Variants in CACNB2 observed in about 807,000 individuals in gnomAD.
The protein encoded by CACNB2 is calcium voltage-gated channel auxiliary subunit beta 2, also known as voltage-dependent L-type calcium channel subunit beta-2.
In CACNB2, 42 loss-of-function variants were observed where a neutral mutation model predicts 73.3. The ratio of observed to expected loss-of-function variants is 0.57; its 90% CI spans 0.45 to 0.74. CACNB2 has a LOEUF of 0.74. Among genes scored for constraint, CACNB2 ranks in the 30% least tolerant of loss-of-function variants. The pLI is 0.00. For missense variants in CACNB2, 940 were observed against 853.0 expected (o/e 1.10, Z -1.27); for synonymous variants, 348 against 310.3 (o/e 1.12, Z -1.28).
At chr10:18,216,232 G>T (rs553436501) in intron 2 of CACNB2, among the ~76,000 whole-genome samples, 98 of 152,124 alleles carry the variant, frequency 6.4e-4, no homozygotes, top group Non-Finnish European at 1.3e-3. Context: ...GGGAGGTGGT[G>T]GTTGCAGTGA....
At chr10:18,169,796 CAG>C (rs1275324596) in intron 2 of CACNB2, among the ~76,000 whole-genome samples, 5 of 152,122 alleles carry the variant, frequency 3.3e-5, no homozygotes, top group Non-Finnish European at 4.4e-5. Context: ...AGAGGGAAAA[CAG>C]GGTACATCAG....
chr10:18,141,553 C>G (rs2030405283), intron 1 of CACNB2, among the ~76,000 whole-genome samples: 1 of 151,612 alleles, frequency 6.6e-6, no homozygotes, highest in African/African-American at 2.4e-5. Flanking sequence ...TCAGGGATCT[C>G]CAGGATCCCC....
At position 18,514,829 on chromosome 10, in the gene CACNB2, CTCTT is replaced by C. The variant is rs1289629879; in HGVS notation, c.804+466_804+469del. The C allele has an allele frequency of 5.4e-5, 38 of 701,326 alleles. No homozygotes were observed. In the Admixed American group the frequency reaches 6.7e-4, roughly 12 times the overall value. The allele number at this position is 701,326 out of a possible 1,614,324, so 43.4% of individuals were successfully genotyped here. The stretch of plus-strand genomic sequence containing the variant: ...CCTAAATTGTGCATGCTTATTCTAT[CTCTT>C]TCTTTTATCCAGAAATTTAACTTAT... On this transcript the variant is annotated intron_variant, in intron 7 of 13. Coordinates refer to ENST00000324631, the MANE Select transcript of CACNB2 (RefSeq NM_201596.3).
intron 3 of CACNB2, among the ~76,000 whole-genome samples, chr10:18,402,639 G>A (rs1021558479): frequency 3.9e-5 from 6 of 152,190 alleles, no homozygotes; most frequent in Admixed American, 2.6e-4. Flanking sequence ...CTGCAAAGCA[G>A]CTATGAAATA....
chr10:18,338,300 T>C (rs1348750143), intron 2 of CACNB2, among the ~76,000 whole-genome samples: 1 of 152,132 alleles, frequency 6.6e-6, no homozygotes, highest in African/African-American at 2.4e-5. Flanking sequence ...GGCCAACAAA[T>C]ATATGTAAAG....
At chr10:18,197,512 C>T (rs2131295857) in intron 2 of CACNB2, among the ~76,000 whole-genome samples, 1 of 152,312 alleles carries the variant, frequency 6.6e-6, no homozygotes, top group African/African-American at 2.4e-5. Flanking sequence ...CTCTGTCCTC[C>T]TTCAGCCAAC....
At chr10:18,309,511 G>T (rs1420503462) in intron 2 of CACNB2, among the ~76,000 whole-genome samples, 1 of 152,124 alleles carries the variant, frequency 6.6e-6, no homozygotes, top group African/African-American at 2.4e-5. Flanking sequence ...AGGCTGGAGT[G>T]CAATGGTGCG....
At chr10:18,339,568 A>G (rs1201711416) in intron 2 of CACNB2, among the ~76,000 whole-genome samples, 1 of 152,198 alleles carries the variant, frequency 6.6e-6, no homozygotes, top group Non-Finnish European at 1.5e-5. Flanking sequence ...GTGAAAGTCT[A>G]GTTGCTCTGC....
In CACNB2 at chr10:18,347,857, T is replaced by C. The variant is rs76324773; in HGVS notation, c.214-54067T>C. Among the ~76,000 whole-genome samples, 304 of 152,346 alleles carry C rather than the reference T, an allele frequency of 2.0e-3. 1 individual carries two copies. Among genetic ancestry groups the C allele is most frequent in the Non-Finnish European group, 3.4e-3 (233 of 68,032 alleles). On this transcript the variant is annotated intron_variant, in intron 2 of 13. Coordinates refer to ENST00000324631, the MANE Select transcript of CACNB2 (RefSeq NM_201596.3). ...CGTGACTTCGCTTAATGAGATTTAA[T>C]GTTCAATATAAACACTTGAAAGGAA... is the stretch of plus-strand genomic sequence containing the variant.
chr10:18,260,580 T>C, intron 2 of CACNB2: 1 of 986,102 alleles, frequency 1.0e-6, no homozygotes, highest in Non-Finnish European at 1.2e-6. Flanking sequence ...AGGATGTTTC[T>C]GTAGTCCTAG....
intron 3 of CACNB2, among the ~76,000 whole-genome samples, chr10:18,467,401 A>G (rs939285272): frequency 6.6e-5 from 10 of 152,150 alleles, no homozygotes; most frequent in Admixed American, 5.2e-4. Context: ...AGGTCCACAA[A>G]TATTTATTGG....
chr10:18,190,405 G>C (rs1316768697), intron 2 of CACNB2, among the ~76,000 whole-genome samples: 1 of 152,086 alleles, frequency 6.6e-6, no homozygotes, highest in East Asian at 1.9e-4. Context: ...CACCCACCCT[G>C]CCCCGAGAGT....
At chr10:18,471,958 C>T (rs144758553) in intron 3 of CACNB2, among the ~76,000 whole-genome samples, 60 of 152,288 alleles carry the variant, frequency 3.9e-4, no homozygotes, top group African/African-American at 1.4e-3. Flanking sequence ...CTTTGGAAGA[C>T]CTGCATGTAA....
intron 2 of CACNB2, among the ~76,000 whole-genome samples, chr10:18,156,812 T>C (rs910685015): frequency 6.6e-6 from 1 of 151,486 alleles, no homozygotes; most frequent in African/African-American, 2.4e-5. Context: ...GAGGGTCACC[T>C]GAGGTCAGGA....
chr10:18,270,700 G>A (rs923078957), intron 2 of CACNB2, among the ~76,000 whole-genome samples: 3 of 151,914 alleles, frequency 2.0e-5, no homozygotes, highest in African/African-American at 7.2e-5. Flanking sequence ...CTCCACAGAG[G>A]CTGTTCCCTG....
chr10:18,355,319 T>C (rs1039295789), intron 2 of CACNB2, among the ~76,000 whole-genome samples: 1 of 152,226 alleles, frequency 6.6e-6, no homozygotes, highest in African/African-American at 2.4e-5. Flanking sequence ...TTACTTGTAG[T>C]TATTCTTTTC....
chr10:18,177,538 C>T (rs2033668822), intron 2 of CACNB2, among the ~76,000 whole-genome samples: 1 of 149,812 alleles, frequency 6.7e-6, no homozygotes, highest in African/African-American at 2.5e-5. Context: ...GAGATCACGC[C>T]ACGGCACTCC....
intron 3 of CACNB2, among the ~76,000 whole-genome samples, chr10:18,497,170 C>G (rs1458125667): frequency 2.7e-5 from 4 of 147,956 alleles, no homozygotes; most frequent in Non-Finnish European, 1.5e-5. Flanking sequence ...TGAAATTGCA[C>G]CACTGCACTC....
rs74533422 is a variant in CACNB2 at position 18,273,287 on chromosome 10, C to T, written c.213+122312C>T. 3.0e-3 allele frequency among the ~76,000 whole-genome samples: 455 copies of T among 152,086 alleles called. 2 individuals are homozygous for T. The highest frequency in any genetic ancestry group is 0.011 in the African/African-American group (436 of 41,452). On this transcript the variant is annotated intron_variant, in intron 2 of 13. Transcript: ENST00000324631. ...TCAGGAGAGGGGAGGGCTACTTGAT[C>T]GGCTCTCTCACCATGCTTACAGACA...
Sources: gnomAD v4.1 joint callset for allele counts (sites outside exome capture counted in the v4.1 genomes callset) on GRCh38, gnomAD v4.1.1 for gene constraint, MANE v1.5 for transcripts, NCBI Gene and HGNC (gene_info 2026-07-23, HGNC 2026-07-21) for gene names.